Variants in PATL2 observed in about 807,000 individuals in gnomAD.
PATL2 encodes the protein PAT1 homolog 2.
PATL2 carries 73 observed loss-of-function variants against 77.0 expected under a neutral mutation model. That is an observed-to-expected ratio of 0.95 (90% CI 0.78 to 1.15). The LOEUF (loss-of-function observed/expected upper bound fraction) is 1.15, where lower values mean the gene tolerates loss of function less well. Among genes scored for constraint, PATL2 ranks in the 50% most tolerant of loss-of-function variants. The pLI is 0.00. For synonymous variants in PATL2, 265 were observed against 257.1 expected (o/e 1.03, Z -0.29); for missense variants, 618 against 655.4 (o/e 0.94, Z 0.62).
chr15:44,687,500 A>G (rs1361307766), intron 3 of PATL2, among the ~76,000 whole-genome samples: 1 of 152,230 alleles, frequency 6.6e-6, no homozygotes, highest in Non-Finnish European at 1.5e-5. Flanking sequence ...CCAGCACAAG[A>G]AAAGGATGCC....
chr15:44,707,569 G>A (rs1468678071), intron 3 of PATL2, among the ~76,000 whole-genome samples: 1 of 152,142 alleles, frequency 6.6e-6, no homozygotes, highest in Non-Finnish European at 1.5e-5. Context: ...TTTGCCTGGT[G>A]CCCTATCCTA....
rs557791649 is a variant in PATL2 at position 44,669,373 on chromosome 15, T to C, written c.971A>G (p.Tyr324Cys). ...QLLEIEEGWK[Y>C]RPPPPCFSEQ... Reference sequence around the variant, plus strand: ...AGAAAAGCAGGGCGGTGGAGGCCTATACTTCCAGCCTTCCTCTATTTCTAG... The same window carrying C: ...AGAAAAGCAGGGCGGTGGAGGCCTACACTTCCAGCCTTCCTCTATTTCTAG... The change falls in exon 13 of 18, where the codon TAT becomes TGT. Residue 324 changes from tyrosine (Y) to cysteine (C), a missense_variant. By Grantham distance (194) the Tyr-to-Cys change is radical. Transcript: ENST00000682850. The C allele has an allele frequency of 4.1e-5, 64 of 1,551,632 alleles. No individual in the cohort carries two copies. The African/African-American group carries it at 8.6e-4, about 21-fold the overall frequency.
rs140031506 is a variant in PATL2, at chr15:44,704,432, A to T, written c.-76+5664T>A. Among the ~76,000 whole-genome samples the T allele has an allele frequency of 6.4e-3, 977 of 152,296 alleles. 9 individuals are homozygous for T. The highest frequency in any genetic ancestry group is 0.022 in the African/African-American group (927 of 41,568). On this transcript the variant is annotated intron_variant, in intron 3 of 17. Coordinates refer to ENST00000682850, the MANE Select transcript of PATL2 (RefSeq NM_001387263.1). ...ACAACATAACCCATTATTTTAAACCAATGAAAACTTACCACTGATTACATA... is the reference window on the plus strand; with the variant it reads ...ACAACATAACCCATTATTTTAAACCTATGAAAACTTACCACTGATTACATA...
At chr15:44,674,097 C>T in intron 6 of PATL2, 53 bp downstream of exon 6, 2 of 1,474,426 alleles carry the variant, frequency 1.4e-6, no homozygotes, top group South Asian at 1.2e-5. Context: ...GTAGACTGAA[C>T]ATAATAGATG....
chr15:44,678,271 C>A (rs2086039697), intron 3 of PATL2, among the ~76,000 whole-genome samples: 1 of 152,114 alleles, frequency 6.6e-6, no homozygotes, highest in Non-Finnish European at 1.5e-5. Flanking sequence ...AGAGGTGATT[C>A]ATTAGGTTGT....
intron 14 of PATL2, 91 bp from the exon 15 acceptor site, chr15:44,668,573 T>C (rs1566847919): frequency 1.4e-6 from 2 of 1,461,040 alleles, no homozygotes; most frequent in Non-Finnish European, 1.8e-6. Context: ...CGCTGACCTG[T>C]CTTTGGCACG....
chr15:44,674,495 T>C (rs2085851349), intron 5 of PATL2: 1 of 396,554 alleles, frequency 2.5e-6, no homozygotes, highest in Admixed American at 4.1e-5. Context: ...TGCCTAGAAC[T>C]GGATAGTACT....
intron 3 of PATL2, among the ~76,000 whole-genome samples, chr15:44,698,649 G>T (rs1214154565): frequency 1.3e-5 from 2 of 152,164 alleles, no homozygotes; most frequent in African/African-American, 2.4e-5. Flanking sequence ...TCTGTTGATG[G>T]ACACTTAGGT....
chr15:44,665,952 A>G lies in PATL2; in HGVS notation c.*1T>C, dbSNP rs780383351. ...CATACACGTATTCCAGAACAAACAG[A>G]TCAGTAAATCCAGGCAAACCTATAA... On this transcript the variant is annotated 3_prime_UTR_variant, in exon 18 of 18. Transcript: ENST00000682850. 44 of 1,545,490 alleles carry G rather than the reference A, an allele frequency of 2.8e-5. 1 individual carries two copies. The South Asian group carries it at 4.3e-4, about 15-fold the overall frequency.
At chr15:44,697,265 C>T (rs574448747) in intron 3 of PATL2, 47 of 152,090 alleles carry the variant, frequency 3.1e-4, no homozygotes, top group African/African-American at 1.1e-3. Context: ...TGCTCCTGCT[C>T]ATTCTTCTTC....
chr15:44,668,664 C>G (rs552449642), intron 14 of PATL2, among the ~76,000 whole-genome samples, 182 bp from the exon 15 acceptor site: 1 of 152,228 alleles, frequency 6.6e-6, no homozygotes, highest in Admixed American at 6.5e-5. Flanking sequence ...CCTACTTGTC[C>G]TAGGAATCCT....
chr15:44,681,052 A>T (rs1346591635), intron 3 of PATL2, among the ~76,000 whole-genome samples: 1 of 152,090 alleles, frequency 6.6e-6, no homozygotes, highest in African/African-American at 2.4e-5. Flanking sequence ...AGTTTTAGAG[A>T]TGGGGTCTCG....
intron 3 of PATL2, among the ~76,000 whole-genome samples, chr15:44,689,326 A>G (rs1289795568): frequency 6.6e-6 from 1 of 152,252 alleles, no homozygotes; most frequent in African/African-American, 2.4e-5. Flanking sequence ...ATCTAGAACC[A>G]GAAATACCAT....
intron 9 of PATL2, among the ~76,000 whole-genome samples, chr15:44,670,472 G>C (rs1182825839): frequency 6.6e-6 from 1 of 152,022 alleles, no homozygotes; most frequent in African/African-American, 2.4e-5. Flanking sequence ...GGGATTACAG[G>C]CGAGCCATTG....
At chr15:44,700,020 T>C (rs2086594938) in intron 3 of PATL2, among the ~76,000 whole-genome samples, 1 of 152,192 alleles carries the variant, frequency 6.6e-6, no homozygotes, top group Non-Finnish European at 1.5e-5. Context: ...GGATTTTTTT[T>C]CCATTTCTGT....
intron 17 of PATL2, 120 bp from the exon 18 acceptor site, chr15:44,666,091 C>A: frequency 1.0e-6 from 1 of 961,228 alleles, no homozygotes; most frequent in Non-Finnish European, 1.5e-6. Flanking sequence ...CCATGTTATT[C>A]ATGCTTATAT....
At chr15:44,709,342 G>A (rs922390378) in intron 3 of PATL2, among the ~76,000 whole-genome samples, 7 of 152,050 alleles carry the variant, frequency 4.6e-5, no homozygotes, top group Admixed American at 2.0e-4. Flanking sequence ...AAAAAAGGCC[G>A]CTATTAATCT....
At chr15:44,688,229 G>C (rs1194539177) in intron 3 of PATL2, among the ~76,000 whole-genome samples, 3 of 140,232 alleles carry the variant, frequency 2.1e-5, no homozygotes, top group East Asian at 2.1e-4. Flanking sequence ...CTGGGTGACA[G>C]AGCGAGACTC....
chr15:44,666,671 C>T, intron 16 of PATL2, 130 bp from the exon 17 acceptor site: 5 of 939,214 alleles, frequency 5.3e-6, no homozygotes, highest in Non-Finnish European at 7.7e-6. Flanking sequence ...TCAGAGGTAA[C>T]ATTTGCATGT....
Sources: gnomAD v4.1 joint callset for allele counts (sites outside exome capture counted in the v4.1 genomes callset) on GRCh38, gnomAD v4.1.1 for gene constraint, MANE v1.5 for transcripts, NCBI Gene and HGNC (gene_info 2026-07-23, HGNC 2026-07-21) for gene names.